Variants in ASAH1 observed in about 807,000 individuals in gnomAD.
ASAH1 encodes acid ceramidase.
A neutral mutation model predicts 59.5 loss-of-function variants in ASAH1; 70 were observed. The ratio of observed to expected loss-of-function variants is 1.18; its 90% CI spans 0.97 to 1.43. The LOEUF is 1.43. ASAH1 is among the 40% of genes most tolerant of loss of function. The pLI is 0.00. For synonymous variants in ASAH1, 213 were observed against 166.5 expected, an observed-to-expected ratio of 1.28 and a Z score of -2.15; for missense variants, 660 against 482.5, an observed-to-expected ratio of 1.37 and a Z score of -3.45.
rs1276197386 is a variant in ASAH1, at chr8:18,057,150, G to T, written c.*384C>A. ...TAGAAGTGAAAAACTGAAGAATGTG[G>T]AGTGTTTACTGTCCCGTTACTCACA... On this transcript the variant is annotated 3_prime_UTR_variant, in exon 14 of 14. Coordinates refer to ENST00000637790, the MANE Select transcript of ASAH1 (RefSeq NM_177924.5). 1.0e-5 allele frequency: 2 copies of T among 199,878 alleles called. No homozygotes were observed. The highest frequency in any genetic ancestry group is 2.3e-5 in the African/African-American group (1 of 43,100). The allele number at this position is 199,878 out of a possible 1,614,324, so 12.4% of individuals were successfully genotyped here.
chr8:18,062,186 C>G (rs966995773), intron 8 of ASAH1, 93 bp downstream of exon 8: 49 of 1,552,994 alleles, frequency 3.2e-5, no homozygotes, highest in Non-Finnish European at 4.2e-5. Flanking sequence ...TTCATATTCC[C>G]TTTAGGTCCT....
chr8:18,075,460 G>T, intron 2 of ASAH1, 81 bp downstream of exon 2: 1 of 1,371,020 alleles, frequency 7.3e-7, no homozygotes, highest in Non-Finnish European at 1.0e-6. Context: ...ATTCACTATC[G>T]TTCGTTTATG....
At chr8:18,075,883 TTA>T in intron 1 of ASAH1, 1 of 436,804 alleles carries the variant, frequency 2.3e-6, no homozygotes, top group South Asian at 2.2e-5. Flanking sequence ...TGGAAAATAT[TTA>T]TGTTAGAGAG....
chr8:18,068,709 C>G (rs1266934163), intron 4 of ASAH1: 1 of 152,058 alleles, frequency 6.6e-6, no homozygotes, highest in African/African-American at 2.4e-5. Flanking sequence ...AAAAGAGACA[C>G]CCACCCCAGG....
At chr8:18,070,539 C>T (rs1298352733) in intron 3 of ASAH1, among the ~76,000 whole-genome samples, 1 of 152,224 alleles carries the variant, frequency 6.6e-6, no homozygotes, top group Non-Finnish European at 1.5e-5. Context: ...CTGCCTCAGC[C>T]TCCCAAAGTA....
upstream of ASAH1, chr8:18,084,935 C>A: frequency 7.6e-7 from 1 of 1,323,832 alleles, no homozygotes; most frequent in Non-Finnish European, 1.0e-6. Context: ...GACACAGTCG[C>A]GCGGGTAGGT....
At chr8:18,069,929 G>T in intron 3 of ASAH1, 51 bp from the exon 4 acceptor site, 1 of 1,344,868 alleles carries the variant, frequency 7.4e-7, no homozygotes, top group South Asian at 1.2e-5. Flanking sequence ...ATGCTGTCAA[G>T]ATTACCTTTT....
chr8:18,083,883 G>C (rs1364610351), intron 1 of ASAH1, 98 bp downstream of exon 1: 3 of 1,533,072 alleles, frequency 2.0e-6, no homozygotes, highest in Non-Finnish European at 2.6e-6. Flanking sequence ...TGCCCAGCAC[G>C]AGGTGTTCCT....
intron 4 of ASAH1, 52 bp downstream of exon 4, chr8:18,069,740 C>T (rs1800079467): frequency 7.7e-7 from 1 of 1,302,498 alleles, no homozygotes; most frequent in African/African-American, 1.4e-5. Context: ...AAATAAATAA[C>T]AGCGCATTTT....
intron 1 of ASAH1, among the ~76,000 whole-genome samples, chr8:18,081,431 A>G (rs1800648230): frequency 6.6e-6 from 1 of 152,092 alleles, no homozygotes; most frequent in Non-Finnish European, 1.5e-5. Flanking sequence ...AAACCATCTA[A>G]TGGCCTCCCA....
chr8:18,057,523 C>G lies in ASAH1; in HGVS notation c.*11G>C, dbSNP rs1396509013. Reference sequence around the variant, plus strand: ...GTCTCAGAGGCCGCATTCTGTAGGCCAGACGTGTGCTCACCAACCTATACA... The same window carrying G: ...GTCTCAGAGGCCGCATTCTGTAGGCGAGACGTGTGCTCACCAACCTATACA... On this transcript the variant is annotated 3_prime_UTR_variant, in exon 14 of 14. Coordinates refer to ENST00000637790, the MANE Select transcript of ASAH1 (RefSeq NM_177924.5). 1 of 1,587,968 alleles carries G rather than the reference C, an allele frequency of 6.3e-7. No homozygotes were observed.
intron 1 of ASAH1, among the ~76,000 whole-genome samples, chr8:18,078,220 T>A (rs1423401895): frequency 3.3e-5 from 5 of 152,142 alleles, no homozygotes; most frequent in Non-Finnish European, 5.9e-5. Flanking sequence ...AAAGCCAAAA[T>A]AAACATCAAA....
At chr8:18,084,183 G>A, upstream of ASAH1, 15 of 1,539,216 alleles carry the variant, frequency 9.7e-6, no homozygotes, top group Non-Finnish European at 1.3e-5. Flanking sequence ...ATTCCAGGCA[G>A]TAGGGGGAAC....
chr8:18,061,640 A>G (rs775538131), intron 9 of ASAH1, 46 bp downstream of exon 9: 31 of 1,563,820 alleles, frequency 2.0e-5, no homozygotes, highest in South Asian at 1.0e-4. Flanking sequence ...CCTTCCTCAT[A>G]AAAAAGCTCT....
At chr8:18,077,045 G>C (rs1405184213) in intron 1 of ASAH1, among the ~76,000 whole-genome samples, 1 of 152,174 alleles carries the variant, frequency 6.6e-6, no homozygotes, top group African/African-American at 2.4e-5. Flanking sequence ...AGCTCGTTTA[G>C]AAAAACTTCA....
intron 1 of ASAH1, 104 bp downstream of exon 1, chr8:18,083,877 C>G: frequency 1.3e-6 from 2 of 1,529,112 alleles, no homozygotes; most frequent in Non-Finnish European, 1.7e-6. Flanking sequence ...AGAAGCTGCC[C>G]AGCACGAGGT....
rs1278877132 is a variant in ASAH1 at position 18,056,838 on chromosome 8, T to G, written c.*696A>C. On this transcript the variant is annotated 3_prime_UTR_variant, in exon 14 of 14. Coordinates refer to ENST00000637790, the MANE Select transcript of ASAH1 (RefSeq NM_177924.5). The stretch of plus-strand genomic sequence containing the variant: ...AAGTTAGCAACTTCCTTAGGGTTAC[T>G]GGGAAGTAGAGTAATTATGAAAAAG... 1 of 152,126 alleles carries G rather than the reference T, an allele frequency of 6.6e-6. No homozygotes were observed. The highest frequency in any genetic ancestry group is 1.5e-5 in the Non-Finnish European group (1 of 68,028). 9.4% of individuals were successfully genotyped at this position (152,126 alleles called of 1,614,324 possible).
chr8:18,069,849 A>G lies in ASAH1; in HGVS notation c.246T>C (p.Asn82=). The change falls in exon 4 of 14, where the codon AAT becomes AAC. Residue 82 remains asparagine (N), a synonymous_variant. Coordinates refer to ENST00000637790, the MANE Select transcript of ASAH1 (RefSeq NM_177924.5). ...VLKVIVNSLK[N]MINTFVPSGK... is the part of the protein sequence containing the mutation. The stretch of plus-strand genomic sequence containing the variant: ...CACTTGGCACGAATGTATTTATCAT[A>G]TTCTTCAGAGAATTCACTATAACCT... 1.3e-6 allele frequency: 2 copies of G among 1,591,890 alleles called. No individual in the cohort carries two copies. The highest frequency in any genetic ancestry group is 1.1e-5 in the South Asian group (1 of 90,586).
At chr8:18,067,149 A>ACAGCACCAGTGC in intron 5 of ASAH1, 71 bp downstream of exon 5, 1 of 1,376,970 alleles carries the variant, frequency 7.3e-7, no homozygotes, top group Non-Finnish European at 1.0e-6. Flanking sequence ...CTGTATGTAT[A>ACAGCACCAGTGC]TCACACCTCA....
Sources: allele counts gnomAD v4.1 joint callset (sites outside exome capture counted in the v4.1 genomes callset), GRCh38; gene constraint gnomAD v4.1.1; transcripts MANE v1.5; gene names NCBI Gene and HGNC (gene_info 2026-07-23, HGNC 2026-07-21).